Variants in CYB5RL observed in about 807,000 individuals in gnomAD.
CYB5RL encodes NADH-cytochrome b5 reductase-like.
In CYB5RL, 38 loss-of-function variants were observed where a neutral mutation model predicts 37.5. The ratio of observed to expected loss-of-function variants is 1.01; its 90% CI spans 0.78 to 1.33. The LOEUF (loss-of-function observed/expected upper bound fraction) is 1.33. Among genes scored for constraint, CYB5RL ranks in the 40% most tolerant of loss-of-function variants. The pLI is 0.00. For missense variants in CYB5RL, 388 were observed against 394.4 expected (o/e 0.98, Z 0.14); for synonymous variants, 141 against 151.9 (o/e 0.93, Z 0.53).
chr1:54,181,669 G>A (rs1465810028), intron 6 of CYB5RL, among the ~76,000 whole-genome samples: 1 of 152,168 alleles, frequency 6.6e-6, no homozygotes, highest in Non-Finnish European at 1.5e-5. Flanking sequence ...AGAAATCCAG[G>A]AGCTGGACAC....
intron 3 of CYB5RL, among the ~76,000 whole-genome samples, chr1:54,191,190 C>T (rs55752446): frequency 0.015 from 2,223 of 152,264 alleles, 59 homozygotes; most frequent in African/African-American, 0.051. Flanking sequence ...GACCCTCATG[C>T]CTCATTTTAT....
intron 5 of CYB5RL, chr1:54,184,559 A>C: frequency 2.3e-5 from 6 of 265,432 alleles, no homozygotes; most frequent in East Asian, 8.1e-5. Flanking sequence ...GGTACCATAA[A>C]TGAGTGAAGA....
In CYB5RL at chr1:54,172,486, A is replaced by T. The variant is rs1659918207; in HGVS notation, c.*2133T>A. 6.6e-6 allele frequency: 1 copy of T among 152,026 alleles called. No individual in the cohort carries two copies. The highest frequency in any genetic ancestry group is 2.4e-5 in the African/African-American group (1 of 41,366). 9.4% of individuals were successfully genotyped at this position (152,026 alleles called of 1,614,324 possible). A position where few individuals can be genotyped will look rare whatever the true frequency, so the allele number is the denominator to read the frequency against. On this transcript the variant is annotated 3_prime_UTR_variant, in exon 8 of 8. Transcript: ENST00000534324. ...CACCGTGTCCGGCAACACTCTTAAT[A>T]TGAGTGACTTCAAAGCTTTTGAAGC... is the stretch of plus-strand genomic sequence containing the variant.
rs1055725647 is a variant in CYB5RL at position 54,173,086 on chromosome 1, T to G, written c.*1533A>C. 1 of 152,220 alleles carries G rather than the reference T, an allele frequency of 6.6e-6. No individual in the cohort carries two copies. 9.4% of individuals were successfully genotyped at this position (152,220 alleles called of 1,614,324 possible). A position where few individuals can be genotyped will look rare whatever the true frequency, so the allele number is the denominator to read the frequency against. On this transcript the variant is annotated 3_prime_UTR_variant, in exon 8 of 8. Coordinates refer to ENST00000534324, the MANE Select transcript of CYB5RL (RefSeq NM_001031672.4). ...TAACATGCTCCTGTGCCCGTGCTTC[T>G]GGAAGAAGGTCACACACAGTACTCC... is the stretch of plus-strand genomic sequence containing the variant.
rs897271964 is a variant in CYB5RL at position 54,195,718 on chromosome 1, G to A, written c.-99-3C>T. On this transcript the variant is annotated splice_region_variant and splice_polypyrimidine_tract_variant and intron_variant, in intron 2 of 7. Coordinates refer to ENST00000534324, the MANE Select transcript of CYB5RL (RefSeq NM_001031672.4). ...GCAGGCCCTGCTCCTTGGCCAGCCTGGGAGAGGGAAAACATGGGGGTTATT... is the reference window on the plus strand; with the variant it reads ...GCAGGCCCTGCTCCTTGGCCAGCCTAGGAGAGGGAAAACATGGGGGTTATT... 69 of 1,340,946 alleles carry A rather than the reference G, an allele frequency of 5.1e-5. No homozygotes were observed. The highest frequency in any genetic ancestry group is 2.5e-4 in the Admixed American group (11 of 43,768). The allele number at this position is 1,340,946 out of a possible 1,614,324, so 83.1% of individuals were successfully genotyped here.
At chr1:54,179,012 C>T (rs1229566828) in intron 7 of CYB5RL, 137 bp downstream of exon 7, 2 of 976,428 alleles carry the variant, frequency 2.0e-6, no homozygotes, top group Non-Finnish European at 3.1e-6. Flanking sequence ...GCCTTCCATA[C>T]AGGTGGGTGC....
chr1:54,181,811 G>A (rs946900702), intron 6 of CYB5RL, among the ~76,000 whole-genome samples: 1 of 152,168 alleles, frequency 6.6e-6, no homozygotes, highest in Admixed American at 6.5e-5. Flanking sequence ...AACTTAGCTG[G>A]GCGTGGTGAT....
chr1:54,172,335 C>CTTTTTTTTTTTTTTTTTTTTTTTT lies in CYB5RL; in HGVS notation c.*2283_*2284insAAAAAAAAAAAAAAAAAAAAAAAA. The CTTTTTTTTTTTTTTTTTTTTTTTT allele has an allele frequency of 9.5e-6, 1 of 104,858 alleles. No individual in the cohort carries two copies. Among genetic ancestry groups the CTTTTTTTTTTTTTTTTTTTTTTTT allele is most frequent in the Non-Finnish European group, 1.8e-5 (1 of 55,664 alleles). The allele number at this position is 104,858 out of a possible 1,614,324, so 6.5% of individuals were successfully genotyped here. On this transcript the variant is annotated 3_prime_UTR_variant, in exon 8 of 8. Coordinates refer to ENST00000534324, the MANE Select transcript of CYB5RL (RefSeq NM_001031672.4). Reference sequence around the variant, plus strand: ...GCGCATACCACCACATAAGGTTAATCTTTTTTTTTTTTTTTTTTTTGTAGA... The same window carrying CTTTTTTTTTTTTTTTTTTTTTTTT: ...GCGCATACCACCACATAAGGTTAATCTTTTTTTTTTTTTTTTTTTTTTTTTTTTTTTTTTTTTTTTTTTTGTAGA...
rs1570123497 is a variant in CYB5RL, at chr1:54,195,405, G to A, written c.198+14C>T. On this transcript the variant is annotated intron_variant, in intron 3 of 7. Transcript: ENST00000534324. The stretch of plus-strand genomic sequence containing the variant: ...GTTGCCCTGGTGCTCATATCGAGAA[G>A]CAGCCTCTCTCACCTGTGACTCTGG... 3 of 1,563,260 alleles carry A rather than the reference G, an allele frequency of 1.9e-6. No homozygotes were observed. In the Admixed American group the frequency reaches 5.3e-5, roughly 28 times the overall value.
At position 54,194,958 on chromosome 1, in the gene CYB5RL, T is replaced by G. The variant is rs141816519; in HGVS notation, c.198+461A>C. Reference sequence around the variant, plus strand: ...CCAGACTATGAAGTCCCGGAGGAGTTAAGGAGGAAGAAGTCAGTAAGGGCC... The same window carrying G: ...CCAGACTATGAAGTCCCGGAGGAGTGAAGGAGGAAGAAGTCAGTAAGGGCC... On this transcript the variant is annotated intron_variant, in intron 3 of 7. Coordinates refer to ENST00000534324, the MANE Select transcript of CYB5RL (RefSeq NM_001031672.4). Among the ~76,000 whole-genome samples the G allele has an allele frequency of 3.7e-4, 57 of 152,290 alleles. 3 individuals carry two copies. In the East Asian group the frequency reaches 8.9e-3, roughly 24 times the overall value.
At chr1:54,191,673 C>T (rs901900158) in intron 3 of CYB5RL, among the ~76,000 whole-genome samples, 3 of 152,254 alleles carry the variant, frequency 2.0e-5, no homozygotes, top group Non-Finnish European at 4.4e-5. Context: ...GCAGCACCAA[C>T]TCTGGAACCC....
chr1:54,188,337 T>C (rs1421044780), intron 4 of CYB5RL, among the ~76,000 whole-genome samples: 5 of 152,192 alleles, frequency 3.3e-5, no homozygotes, highest in Admixed American at 2.6e-4. Context: ...AAAAGTGCAC[T>C]GAGGATGTGA....
intron 3 of CYB5RL, among the ~76,000 whole-genome samples, chr1:54,193,005 T>C (rs973601679): frequency 7.2e-5 from 11 of 152,246 alleles, no homozygotes; most frequent in African/African-American, 2.7e-4. Context: ...TCCACCTGCC[T>C]TGGCCTCCCA....
In CYB5RL at chr1:54,184,189, A is replaced by G. The variant is rs755411152; in HGVS notation, c.512T>C (p.Phe171Ser). The change falls in exon 6 of 8, where the codon TTC becomes TCC. Residue 171 changes from phenylalanine (F) to serine (S), a missense_variant. Coordinates refer to ENST00000534324, the MANE Select transcript of CYB5RL (RefSeq NM_001031672.4). ...GTTTGGTTTATAGAAGAAATCTCCG[A>G]AAGGTCCTCGCCAGAAAGCTGTGTC... ...VGDTAFWRGPFGDFFYKPNQY... is the reference protein window; with the variant it reads ...VGDTAFWRGPSGDFFYKPNQY... 3 of 1,613,716 alleles carry G rather than the reference A, an allele frequency of 1.9e-6. No individual in the cohort carries two copies. The highest frequency in any genetic ancestry group is 1.7e-6 in the Non-Finnish European group (2 of 1,179,784).
At chr1:54,189,427 G>C (rs1643930627) in intron 4 of CYB5RL, among the ~76,000 whole-genome samples, 1 of 152,178 alleles carries the variant, frequency 6.6e-6, no homozygotes, top group Non-Finnish European at 1.5e-5. Context: ...GGTGGGAATG[G>C]GGCGTGGAGC....
intron 4 of CYB5RL, 99 bp downstream of exon 4, chr1:54,190,649 G>A (rs1480092480): frequency 2.1e-6 from 3 of 1,449,668 alleles, no homozygotes; most frequent in Non-Finnish European, 2.8e-6. Flanking sequence ...GATGACAAAT[G>A]GAGGCTTAAG....
rs945430536 is a variant in CYB5RL, at chr1:54,170,811, G to T, written c.*3808C>A. ...ACTTGTGTATCCCTACATGACCTTG[G>T]AAAATCGCTTGAAGTCTCAGAAGCT... On this transcript the variant is annotated 3_prime_UTR_variant, in exon 8 of 8. Coordinates refer to ENST00000534324, the MANE Select transcript of CYB5RL (RefSeq NM_001031672.4). The T allele has an allele frequency of 9.6e-6, 3 of 311,674 alleles. No individual in the cohort carries two copies. Among genetic ancestry groups the T allele is most frequent in the African/African-American group, 6.5e-5 (3 of 46,328 alleles). The allele number at this position is 311,674 out of a possible 1,614,324, so 19.3% of individuals were successfully genotyped here.
chr1:54,197,928 T>C (rs541333769), intron 1 of CYB5RL, among the ~76,000 whole-genome samples: 2 of 146,204 alleles, frequency 1.4e-5, no homozygotes, highest in South Asian at 4.3e-4. Context: ...CTCGGGAGGC[T>C]GAGGCAGGAG....
At chr1:54,187,629 A>G (rs770994116) in intron 5 of CYB5RL, 23 bp downstream of exon 5, 1 of 1,610,214 alleles carries the variant, frequency 6.2e-7, no homozygotes, top group South Asian at 1.1e-5. Flanking sequence ...GGCATCTTGG[A>G]GCATCCTCAA....
Sources: allele counts gnomAD v4.1 joint callset (sites outside exome capture counted in the v4.1 genomes callset), GRCh38; gene constraint gnomAD v4.1.1; transcripts MANE v1.5; gene names NCBI Gene and HGNC (gene_info 2026-07-23, HGNC 2026-07-21).